Variants in ZNRF1 observed in about 807,000 individuals in gnomAD.
ZNRF1 encodes the protein zinc and ring finger 1.
A neutral mutation model predicts 18.4 loss-of-function variants in ZNRF1; 3 were observed. The observed-to-expected ratio is 0.16, with a 90% CI of 0.07 to 0.42. ZNRF1 has a LOEUF of 0.42. Among genes scored for constraint, ZNRF1 ranks in the 10% least tolerant of loss-of-function variants. ZNRF1 has a pLI of 0.99. For missense variants in ZNRF1, 310 were observed against 329.8 expected (o/e 0.94, Z 0.47); for synonymous variants, 157 against 144.2 (o/e 1.09, Z -0.64).
chr16:75,082,161 T>C (rs555308759), intron 1 of ZNRF1, among the ~76,000 whole-genome samples: 34 of 151,656 alleles, frequency 2.2e-4, no homozygotes, highest in African/African-American at 7.0e-4. Context: ...GAATTACAAG[T>C]GTGAGCCACT....
chr16:75,062,317 A>G (rs376067009), intron 1 of ZNRF1, among the ~76,000 whole-genome samples: 1 of 152,242 alleles, frequency 6.6e-6, no homozygotes, highest in East Asian at 1.9e-4. Flanking sequence ...GTGACCATCA[A>G]GCACCAGCCT....
At chr16:75,084,353 T>G (rs1347665281) in intron 1 of ZNRF1, 1 of 152,170 alleles carries the variant, frequency 6.6e-6, no homozygotes, top group East Asian at 1.9e-4. Context: ...AAGGAAGACT[T>G]GAGGCTGCAT....
At chr16:75,056,422 A>G (rs1388896438) in intron 1 of ZNRF1, among the ~76,000 whole-genome samples, 1 of 152,224 alleles carries the variant, frequency 6.6e-6, no homozygotes, top group African/African-American at 2.4e-5. Context: ...AAAGTGAGGT[A>G]TAAGATTATG....
At chr16:75,010,301 C>T (rs1054460962) in intron 1 of ZNRF1, among the ~76,000 whole-genome samples, 9 of 151,990 alleles carry the variant, frequency 5.9e-5, no homozygotes, top group Admixed American at 6.6e-5. Context: ...TTTTTTCTTT[C>T]GTTGTTGATT....
intron 1 of ZNRF1, among the ~76,000 whole-genome samples, chr16:75,087,564 G>A (rs2036088167): frequency 6.6e-6 from 1 of 152,216 alleles, no homozygotes; most frequent in Non-Finnish European, 1.5e-5. Flanking sequence ...GACTCTCTTG[G>A]CTTCTCTTGA....
intron 1 of ZNRF1, among the ~76,000 whole-genome samples, chr16:75,034,447 T>C (rs755639605): frequency 1.1e-4 from 17 of 152,222 alleles, no homozygotes; most frequent in Non-Finnish European, 1.8e-4. Context: ...GATTTATCCA[T>C]GTTGGAGCAA....
chr16:75,097,676 A>C (rs1250022860), intron 2 of ZNRF1, among the ~76,000 whole-genome samples: 2 of 152,106 alleles, frequency 1.3e-5, no homozygotes, highest in Non-Finnish European at 2.9e-5. Flanking sequence ...AATTTGTCTG[A>C]CATGGTGGCA....
At chr16:75,022,267 A>T (rs1028019249) in intron 1 of ZNRF1, among the ~76,000 whole-genome samples, 17 of 151,534 alleles carry the variant, frequency 1.1e-4, no homozygotes, top group South Asian at 4.2e-4. Flanking sequence ...AAATTTTTTT[A>T]AAAAATAATT....
intron 1 of ZNRF1, among the ~76,000 whole-genome samples, chr16:75,070,697 A>G (rs1030319588): frequency 6.6e-6 from 1 of 150,988 alleles, no homozygotes; most frequent in Non-Finnish European, 1.5e-5. Context: ...TGCAGCTCCC[A>G]TGGAGGTACT....
chr16:75,108,999 C>T lies in ZNRF1; in HGVS notation c.*1299C>T, dbSNP rs75843977. 3 of 156,794 alleles carry T rather than the reference C, an allele frequency of 1.9e-5. No homozygotes were observed. Among genetic ancestry groups the T allele is most frequent in the African/African-American group, 7.2e-5 (3 of 41,704 alleles). 9.7% of individuals were successfully genotyped at this position (156,794 alleles called of 1,614,324 possible). ...ATCTGCAGGGGCCAAGATGTTGCAG[C>T]CACCGGAGGCTGCAAGGATGTGGGT... On this transcript the variant is annotated 3_prime_UTR_variant, in exon 5 of 5. Coordinates refer to ENST00000335325, the MANE Select transcript of ZNRF1 (RefSeq NM_032268.5).
intron 1 of ZNRF1, among the ~76,000 whole-genome samples, chr16:75,031,261 A>C (rs1282214028): frequency 6.6e-6 from 1 of 151,408 alleles, no homozygotes; most frequent in Non-Finnish European, 1.5e-5. Context: ...CCTCCCAGGT[A>C]GCTAGGATTA....
intron 1 of ZNRF1, chr16:75,002,259 A>G (rs1038876170): frequency 1.3e-5 from 2 of 152,208 alleles, no homozygotes; most frequent in Non-Finnish European, 2.9e-5. Flanking sequence ...CTTCGTGTGC[A>G]GCATTGGTTC....
At chr16:75,077,207 A>G (rs1386323421) in intron 1 of ZNRF1, among the ~76,000 whole-genome samples, 1 of 152,188 alleles carries the variant, frequency 6.6e-6, no homozygotes, top group Admixed American at 6.5e-5. Flanking sequence ...CCTGGCCAAC[A>G]TGGTGAAACC....
chr16:75,015,014 G>C (rs189826415), intron 1 of ZNRF1, among the ~76,000 whole-genome samples: 1 of 152,132 alleles, frequency 6.6e-6, no homozygotes, highest in Admixed American at 6.5e-5. Context: ...TTACTGGTTT[G>C]TACGAATTTG....
intron 1 of ZNRF1, among the ~76,000 whole-genome samples, chr16:75,015,623 G>A (rs1010879516): frequency 6.6e-6 from 1 of 152,144 alleles, no homozygotes; most frequent in Non-Finnish European, 1.5e-5. Flanking sequence ...TCACTCTGTT[G>A]CCCAGGCTGG....
chr16:75,077,526 G>A (rs1433747170), intron 1 of ZNRF1, among the ~76,000 whole-genome samples: 4 of 152,070 alleles, frequency 2.6e-5, no homozygotes, highest in East Asian at 1.9e-4. Flanking sequence ...GCGAGATTCC[G>A]TCTCAAAAAA....
chr16:75,040,697 C>G (rs1336177632), intron 1 of ZNRF1, among the ~76,000 whole-genome samples: 1 of 149,318 alleles, frequency 6.7e-6, no homozygotes, highest in Non-Finnish European at 1.5e-5. Context: ...ACCTCTGCCT[C>G]CTGGGTCCAA....
chr16:75,095,615 C>T, intron 2 of ZNRF1: 4 of 1,549,020 alleles, frequency 2.6e-6, no homozygotes, highest in Non-Finnish European at 3.5e-6. Flanking sequence ...ACAAAGAAGC[C>T]TCAGAGGGGC....
intron 1 of ZNRF1, among the ~76,000 whole-genome samples, chr16:75,073,611 G>C (rs1183045367): frequency 6.6e-6 from 1 of 152,134 alleles, no homozygotes; most frequent in African/African-American, 2.4e-5. Context: ...AAATGGCCTG[G>C]TGCTACGGAT....
Sources: gnomAD v4.1 joint callset for allele counts (sites outside exome capture counted in the v4.1 genomes callset) on GRCh38, gnomAD v4.1.1 for gene constraint, MANE v1.5 for transcripts, NCBI Gene and HGNC (gene_info 2026-07-23, HGNC 2026-07-21) for gene names.